CHST11: variants seen among roughly 807,000 people sequenced by gnomAD.
The protein encoded by CHST11 is carbohydrate sulfotransferase 11, also known as C4S-1.
A neutral mutation model predicts 30.4 loss-of-function variants in CHST11; 9 were observed. The observed-to-expected ratio is 0.30, with a 90% CI of 0.18 to 0.52. The LOEUF (loss-of-function observed/expected upper bound fraction) is 0.52. Ranked by LOEUF, CHST11 falls within the 20% of genes least tolerant of loss-of-function variation. CHST11 has a pLI of 0.97. For synonymous variants in CHST11, 152 were observed against 187.8 expected (o/e 0.81, Z 1.56); for missense variants, 348 against 460.6 (o/e 0.76, Z 2.24).
intron 2 of CHST11, among the ~76,000 whole-genome samples, chr12:104,685,426 T>G (rs2039837294): frequency 6.6e-6 from 1 of 152,226 alleles, no homozygotes; most frequent in Non-Finnish European, 1.5e-5. Flanking sequence ...TTGAGAAAAG[T>G]TATACCATGA....
intron 2 of CHST11, 78 bp from the exon 3 acceptor site, chr12:104,756,871 T>G: frequency 6.7e-7 from 1 of 1,502,840 alleles, no homozygotes; most frequent in Non-Finnish European, 9.0e-7. Flanking sequence ...AACGGGTGGA[T>G]TTATGATCTA....
rs187591064 is a variant in CHST11, at chr12:104,460,700, C to T, written c.118+3171C>T. ...AAAAAAAGAGACAAAAAGGAGACAG[C>T]TGGCAAGGCTGGCTGTCCCTCTCTC... On this transcript the variant is annotated intron_variant, in intron 1 of 2. Transcript: ENST00000303694. 4.0e-4 allele frequency among the ~76,000 whole-genome samples: 61 copies of T among 150,946 alleles called. 1 individual carries two copies. In the East Asian group the frequency reaches 8.9e-3, roughly 22 times the overall value.
At chr12:104,538,441 T>C (rs1592751962) in intron 1 of CHST11, among the ~76,000 whole-genome samples, 1 of 152,142 alleles carries the variant, frequency 6.6e-6, no homozygotes, top group Non-Finnish European at 1.5e-5. Flanking sequence ...GTAGTGTTCG[T>C]TGAGTTTTTC....
At chr12:104,522,110 G>C (rs749323558) in intron 1 of CHST11, among the ~76,000 whole-genome samples, 3 of 151,500 alleles carry the variant, frequency 2.0e-5, no homozygotes, top group Non-Finnish European at 2.9e-5. Context: ...TCCTTATGCC[G>C]GCACTGGCTT....
intron 2 of CHST11, among the ~76,000 whole-genome samples, chr12:104,694,307 C>G (rs2039924681): frequency 6.6e-6 from 1 of 152,174 alleles, no homozygotes; most frequent in African/African-American, 2.4e-5. Context: ...AATCTGTTTC[C>G]TGATCCTGTG....
At chr12:104,660,792 C>A (rs989825372) in intron 2 of CHST11, among the ~76,000 whole-genome samples, 1 of 152,218 alleles carries the variant, frequency 6.6e-6, no homozygotes, top group African/African-American at 2.4e-5. Context: ...TCTAGCTCCA[C>A]CTGCAATCTT....
chr12:104,615,342 G>A (rs575560629), intron 2 of CHST11, among the ~76,000 whole-genome samples: 19 of 152,250 alleles, frequency 1.2e-4, no homozygotes, highest in Non-Finnish European at 2.5e-4. Context: ...GAATATCCAC[G>A]GATATATCCA....
chr12:104,658,822 C>T (rs567972935), intron 2 of CHST11, among the ~76,000 whole-genome samples: 17 of 152,302 alleles, frequency 1.1e-4, no homozygotes, highest in African/African-American at 4.1e-4. Context: ...TCATGTAATC[C>T]TCATGATGAC....
chr12:104,636,135 G>A (rs562153279), intron 2 of CHST11, among the ~76,000 whole-genome samples: 75 of 152,314 alleles, frequency 4.9e-4, no homozygotes, highest in African/African-American at 1.6e-3. Flanking sequence ...GCTGATCCAG[G>A]TTACACAGTA....
At chr12:104,622,064 C>T (rs533858990) in intron 2 of CHST11, among the ~76,000 whole-genome samples, 4 of 152,296 alleles carry the variant, frequency 2.6e-5, no homozygotes, top group East Asian at 1.9e-4. Context: ...ACCCCGGTGA[C>T]CCCCACAGGC....
intron 2 of CHST11, among the ~76,000 whole-genome samples, chr12:104,756,234 G>A (rs922732348): frequency 1.3e-5 from 2 of 152,246 alleles, no homozygotes; most frequent in Admixed American, 1.3e-4. Flanking sequence ...GAAGGTCTCT[G>A]AGCCTCTGGG....
chr12:104,604,470 A>G (rs775889202), intron 2 of CHST11, among the ~76,000 whole-genome samples: 1 of 152,196 alleles, frequency 6.6e-6, no homozygotes, highest in Non-Finnish European at 1.5e-5. Flanking sequence ...ACGCAAGTTC[A>G]GTAAGTGGCA....
At chr12:104,639,003 G>A (rs1395974144) in intron 2 of CHST11, among the ~76,000 whole-genome samples, 1 of 152,202 alleles carries the variant, frequency 6.6e-6, no homozygotes, top group Non-Finnish European at 1.5e-5. Context: ...GTCAGCTTGG[G>A]AGTGGGAAGC....
intron 2 of CHST11, among the ~76,000 whole-genome samples, chr12:104,699,543 A>G (rs949276838): frequency 1.2e-4 from 18 of 152,178 alleles, no homozygotes; most frequent in African/African-American, 4.3e-4. Flanking sequence ...ACTGGTCTCA[A>G]TTGTAGGGTC....
intron 1 of CHST11, among the ~76,000 whole-genome samples, chr12:104,540,744 A>G (rs191657442): frequency 2.0e-5 from 3 of 152,100 alleles, no homozygotes; most frequent in Non-Finnish European, 4.4e-5. Context: ...CTCTCTAATT[A>G]CAAAATTAAT....
intron 2 of CHST11, among the ~76,000 whole-genome samples, chr12:104,653,358 T>C (rs1592818765): frequency 6.6e-6 from 1 of 152,320 alleles, no homozygotes; most frequent in East Asian, 1.9e-4. Flanking sequence ...TTCCACTGGA[T>C]ATATGTACTG....
At chr12:104,691,519 C>T (rs1383339791) in intron 2 of CHST11, among the ~76,000 whole-genome samples, 12 of 147,466 alleles carry the variant, frequency 8.1e-5, no homozygotes, top group Non-Finnish European at 3.0e-5. Flanking sequence ...GATGGAGTCT[C>T]ACTCTGTCGC....
chr12:104,653,160 C>T (rs11112144), intron 2 of CHST11, among the ~76,000 whole-genome samples: 14,509 of 152,156 alleles, frequency 0.095, 772 homozygotes, highest in Non-Finnish European at 0.12. Context: ...TTCTCCTGCC[C>T]GCCAGCCTCT....
intron 1 of CHST11, among the ~76,000 whole-genome samples, chr12:104,524,039 CTTTT>C (rs10594720): frequency 3.2e-4 from 41 of 128,020 alleles, no homozygotes; most frequent in Admixed American, 3.9e-4. Flanking sequence ...TTCTTTCTTT[CTTTT>C]TTTTTTTTTT....
Sources: allele counts gnomAD v4.1 joint callset (sites outside exome capture counted in the v4.1 genomes callset), GRCh38; gene constraint gnomAD v4.1.1; transcripts MANE v1.5; gene names NCBI Gene and HGNC (gene_info 2026-07-23, HGNC 2026-07-21).